PCDHA7: variants seen among roughly 807,000 people sequenced by gnomAD.
PCDHA7 encodes the protein protocadherin alpha-7.
PCDHA7 carries 37 observed loss-of-function variants against 57.2 expected under a neutral mutation model. That is an observed-to-expected ratio of 0.65 (90% CI 0.50 to 0.85). The LOEUF (loss-of-function observed/expected upper bound fraction) is 0.85. Ranked by LOEUF, PCDHA7 falls within the 40% of genes least tolerant of loss-of-function variation. The pLI is 0.00. For missense variants in PCDHA7, 1,188 were observed against 1,241.8 expected, an observed-to-expected ratio of 0.96 and a Z score of 0.65; for synonymous variants, 553 against 558.8, an observed-to-expected ratio of 0.99 and a Z score of 0.15.
rs1554217734 is a variant in PCDHA7, at chr5:140,946,611, AATATATAT to A, written c.2356-32324_2356-32317del. Among the ~76,000 whole-genome samples, 24 of 86,806 alleles carry A rather than the reference AATATATAT, an allele frequency of 2.8e-4. 1 individual carries two copies. Among genetic ancestry groups the A allele is most frequent in the African/African-American group, 1.5e-3 (23 of 15,698 alleles). 56.9% of individuals were successfully genotyped at this position (86,806 alleles called of 152,430 possible). On this transcript the variant is annotated intron_variant, in intron 1 of 3. Coordinates refer to ENST00000525929, the MANE Select transcript of PCDHA7 (RefSeq NM_018910.3). ...GGATGAATAGATAAAGAAAATGTGA[AATATATAT>A]ATATATATATATACAATGGAATACT... is the stretch of plus-strand genomic sequence containing the variant.
chr5:140,863,282 A>G (rs782183211), intron 1 of PCDHA7: 1 of 1,461,396 alleles, frequency 6.8e-7, no homozygotes, highest in Non-Finnish European at 9.3e-7. Flanking sequence ...GTGGATGTCA[A>G]CGTGTACCTG....
intron 1 of PCDHA7, among the ~76,000 whole-genome samples, chr5:140,934,142 T>C (rs1359446492): frequency 1.3e-5 from 2 of 152,170 alleles, no homozygotes; most frequent in African/African-American, 4.8e-5. Context: ...TTTCCTTCCT[T>C]ATATGTTTAT....
chr5:140,986,195 A>C (rs1200850544), intron 3 of PCDHA7, among the ~76,000 whole-genome samples: 1 of 152,196 alleles, frequency 6.6e-6, no homozygotes, highest in African/African-American at 2.4e-5. Context: ...TAAATTGGTT[A>C]ATCCTGATTA....
chr5:140,870,358 G>C lies in PCDHA7; in HGVS notation c.2355+33620G>C, dbSNP rs201159213. The C allele has an allele frequency of 1.2e-5, 20 of 1,614,216 alleles. No homozygotes were observed. The Admixed American group carries it at 3.3e-4, about 27-fold the overall frequency. ...CGCCCTGGACCGCGAGAACGTGTGG[G>C]CCTATGAACTGGTGGTGACTGCGCG... On this transcript the variant is annotated intron_variant, in intron 1 of 3. Transcript: ENST00000525929.
At chr5:140,941,191 T>TTTCTTTCTTTC (rs1487503403) in intron 1 of PCDHA7, among the ~76,000 whole-genome samples, 64 of 93,246 alleles carry the variant, frequency 6.9e-4, no homozygotes, top group South Asian at 4.2e-3. Context: ...GCTTCTTTTT[T>TTTCTTTCTTTC]TTTCTTTCTT....
intron 1 of PCDHA7, chr5:140,850,313 G>C (rs113332257): frequency 1.3e-6 from 2 of 1,597,364 alleles, no homozygotes; most frequent in African/African-American, 1.3e-5. Context: ...ACAACGCGTG[G>C]CTTTCATACG....
In PCDHA7 at chr5:140,835,885, A is replaced by G; in HGVS notation, c.1502A>G (p.Glu501Gly). ...TCGCTGGTGGAGCTGCGGGTGGGCG[A>G]GCGCGCGCTGTCGAGCTACGTGTCA... The part of the protein sequence containing the change: ...SYSLVELRVG[E>G]RALSSYVSVH... The change falls in exon 1 of 4, where the codon GAG becomes GGG. Residue 501 changes from glutamate (E) to glycine (G), a missense_variant. Glu to Gly is a moderately conservative substitution (Grantham distance 98). This residue lies in a region of PCDHA7 where 892 missense variants were observed against 788.5 expected (regional missense o/e 1.13). Transcript: ENST00000525929. 3 of 1,611,866 alleles carry G rather than the reference A, an allele frequency of 1.9e-6. No homozygotes were observed. Among genetic ancestry groups the G allele is most frequent in the Non-Finnish European group, 2.5e-6 (3 of 1,179,618 alleles).
At chr5:140,905,620 T>G (rs1417322136) in intron 1 of PCDHA7, among the ~76,000 whole-genome samples, 2 of 152,210 alleles carry the variant, frequency 1.3e-5, no homozygotes, top group African/African-American at 4.8e-5. Context: ...ATAGATTGCT[T>G]TTGACAGTAT....
At chr5:140,961,984 C>T (rs1037951528) in intron 1 of PCDHA7, among the ~76,000 whole-genome samples, 69 of 151,884 alleles carry the variant, frequency 4.5e-4, no homozygotes, top group African/African-American at 1.5e-3. Context: ...CCTGGGTTCA[C>T]GCCATTGTCC....
At chr5:140,951,737 C>T (rs1223539805) in intron 1 of PCDHA7, among the ~76,000 whole-genome samples, 1 of 152,130 alleles carries the variant, frequency 6.6e-6, no homozygotes, top group Non-Finnish European at 1.5e-5. Context: ...CATTCTGCCA[C>T]TGCCCTCACC....
intron 1 of PCDHA7, among the ~76,000 whole-genome samples, chr5:140,889,158 T>A (rs2062123549): frequency 6.6e-6 from 1 of 151,892 alleles, no homozygotes; most frequent in Non-Finnish European, 1.5e-5. Context: ...TCTTCTTTGT[T>A]AAGTATTCAA....
rs2150371932 is a variant in PCDHA7 at position 140,844,548 on chromosome 5, G to A, written c.2355+7810G>A. Among the ~76,000 whole-genome samples, 6 of 149,134 alleles carry A rather than the reference G, an allele frequency of 4.0e-5. 1 individual carries two copies. Among genetic ancestry groups the A allele is most frequent in the Non-Finnish European group, 7.5e-5 (5 of 66,700 alleles). ...TCTAATCATTCAACCCTTTGTTCAT[G>A]AGTTGGAATATTTTCAATAATATTC... On this transcript the variant is annotated intron_variant, in intron 1 of 3. Transcript: ENST00000525929.
intron 1 of PCDHA7, among the ~76,000 whole-genome samples, chr5:140,950,672 C>A (rs76583571): frequency 0.016 from 2,473 of 152,120 alleles, 63 homozygotes; most frequent in African/African-American, 0.055. Context: ...CAAACATGTA[C>A]ATGTATATTG....
chr5:140,967,974 G>A (rs782644202), intron 1 of PCDHA7: 3 of 1,614,204 alleles, frequency 1.9e-6, no homozygotes, highest in South Asian at 1.1e-5. Flanking sequence ...GTGAGCCTGG[G>A]TCTGGAGGCC....
chr5:140,953,283 G>A (rs1377100708), intron 1 of PCDHA7, among the ~76,000 whole-genome samples: 5 of 152,132 alleles, frequency 3.3e-5, no homozygotes, highest in Non-Finnish European at 7.3e-5. Flanking sequence ...CTCTTTATAT[G>A]TGATTCAGGG....
intron 3 of PCDHA7, 47 bp from the exon 4 acceptor site, chr5:141,009,580 G>T: frequency 1.3e-6 from 2 of 1,588,168 alleles, no homozygotes; most frequent in South Asian, 2.3e-5. Context: ...GTGGCATCAA[G>T]AGCATGTGTT....
At chr5:140,986,372 G>T (rs570215048) in intron 3 of PCDHA7, among the ~76,000 whole-genome samples, 10 of 152,248 alleles carry the variant, frequency 6.6e-5, no homozygotes, top group African/African-American at 1.2e-4. Flanking sequence ...ATGCGTTTTG[G>T]GGGGAGGGAC....
intron 1 of PCDHA7, chr5:140,878,010 A>G: frequency 2.4e-6 from 2 of 839,980 alleles, no homozygotes; most frequent in Non-Finnish European, 3.4e-6. Flanking sequence ...GTCTAACATT[A>G]ATGAAGGAAA....
At chr5:140,993,464 A>T (rs1309811031) in intron 3 of PCDHA7, among the ~76,000 whole-genome samples, 11 of 28,960 alleles carry the variant, frequency 3.8e-4, no homozygotes, top group South Asian at 2.7e-3. Flanking sequence ...TTTCTTTCTC[A>T]CACACACACA....
Sources: gnomAD v4.1 joint callset for allele counts (sites outside exome capture counted in the v4.1 genomes callset) on GRCh38, gnomAD v4.1.1 for gene constraint, gnomAD v4.1.1 regional missense constraint, MANE v1.5 for transcripts, NCBI Gene and HGNC (gene_info 2026-07-23, HGNC 2026-07-21) for gene names.